Variants in PACSIN1 observed in about 807,000 individuals in gnomAD.
The protein encoded by PACSIN1 is protein kinase C and casein kinase substrate in neurons 1.
PACSIN1 carries 15 observed loss-of-function variants against 59.5 expected under a neutral mutation model. The ratio of observed to expected loss-of-function variants is 0.25; its 90% CI spans 0.17 to 0.39. The LOEUF (loss-of-function observed/expected upper bound fraction) is 0.39. PACSIN1 is among the 10% of genes least tolerant of loss of function. PACSIN1 has a pLI of 1.00. For synonymous variants in PACSIN1, 210 were observed against 220.6 expected (o/e 0.95, Z 0.42); for missense variants, 420 against 580.2 (o/e 0.72, Z 2.84).
chr6:34,491,820 C>G (rs549545719), intron 1 of PACSIN1, among the ~76,000 whole-genome samples: 1 of 152,190 alleles, frequency 6.6e-6, no homozygotes, highest in East Asian at 1.9e-4. Context: ...CCATGTTGAC[C>G]AGGCTGGTCT....
At chr6:34,483,393 A>C (rs1344095229) in intron 1 of PACSIN1, among the ~76,000 whole-genome samples, 2 of 152,126 alleles carry the variant, frequency 1.3e-5, no homozygotes, top group African/African-American at 4.8e-5. Context: ...TGTAGGACCA[A>C]CCTTGCCCAG....
At position 34,488,907 on chromosome 6, in the gene PACSIN1, G is replaced by A. The variant is rs1766830696; in HGVS notation, c.-64+22637G>A. 1.3e-5 allele frequency among the ~76,000 whole-genome samples: 2 copies of A among 152,096 alleles called. No individual in the cohort carries two copies. The highest frequency in any genetic ancestry group is 2.4e-5 in the African/African-American group (1 of 41,416). ...TAAAAATTGACTATATTGGCTGTGC[G>A]CAGTGGCTCACACCCGTAATCCTAA... On this transcript the variant is annotated intron_variant, in intron 1 of 9. Transcript: ENST00000244458. This position sits in a 1 kb window ranked among gnomAD's most constrained non-coding sequence, Gnocchi z 4.7.
rs1490738637 is a variant in PACSIN1 at position 34,487,396 on chromosome 6, G to A, written c.-64+21126G>A. On this transcript the variant is annotated intron_variant, in intron 1 of 9. Coordinates refer to ENST00000244458, the MANE Select transcript of PACSIN1 (RefSeq NM_020804.5). ...GGAATCACGTGGAATGTGCTGTTTGGTGCTCAGTGCTCTGTCTGTGAGAGT... is the reference window on the plus strand; with the variant it reads ...GGAATCACGTGGAATGTGCTGTTTGATGCTCAGTGCTCTGTCTGTGAGAGT... Among the ~76,000 whole-genome samples, 9 of 152,300 alleles carry A rather than the reference G, an allele frequency of 5.9e-5. No individual in the cohort carries two copies. In the South Asian group the frequency reaches 1.5e-3, roughly 25 times the overall value.
At chr6:34,526,031 G>C (rs901395969) in intron 1 of PACSIN1, among the ~76,000 whole-genome samples, 29 of 152,198 alleles carry the variant, frequency 1.9e-4, no homozygotes, top group African/African-American at 6.5e-4. Context: ...TCCAGGGAGG[G>C]GGAAGGAGGA....
rs143996132 is a variant in PACSIN1, at chr6:34,484,146, C to A, written c.-64+17876C>A. Among the ~76,000 whole-genome samples, 10 of 152,276 alleles carry A rather than the reference C, an allele frequency of 6.6e-5. No homozygotes were observed. The East Asian group carries it at 1.3e-3, about 21-fold the overall frequency. On this transcript the variant is annotated intron_variant, in intron 1 of 9. Transcript: ENST00000244458. Reference sequence around the variant, plus strand: ...CCTCATCAGGGCCTTTAACATGCTGCTGTGTCCTGTGAATGTCAAGACATT... The same window carrying A: ...CCTCATCAGGGCCTTTAACATGCTGATGTGTCCTGTGAATGTCAAGACATT...
At chr6:34,483,464 G>T (rs1003062326) in intron 1 of PACSIN1, among the ~76,000 whole-genome samples, 2 of 152,024 alleles carry the variant, frequency 1.3e-5, no homozygotes, top group African/African-American at 4.8e-5. Flanking sequence ...GCAGGGCCAC[G>T]TAGCCGGTGG....
chr6:34,470,985 G>A (rs867814777), intron 1 of PACSIN1, among the ~76,000 whole-genome samples: 15 of 151,492 alleles, frequency 9.9e-5, no homozygotes, highest in African/African-American at 2.7e-4. Flanking sequence ...TGCTCTTGTC[G>A]CCCAGGCTTG....
intron 1 of PACSIN1, among the ~76,000 whole-genome samples, chr6:34,489,110 G>A (rs1766834757): frequency 6.6e-6 from 1 of 151,904 alleles, no homozygotes; most frequent in African/African-American, 2.4e-5. Context: ...GAGCCAGGGA[G>A]GTGGAGGTTG....
At position 34,514,919 on chromosome 6, in the gene PACSIN1, G is replaced by A. The variant is rs910517596; in HGVS notation, c.-63-11324G>A. The A allele has an allele frequency of 1.3e-5, 2 of 152,630 alleles. No individual in the cohort carries two copies. Among genetic ancestry groups the A allele is most frequent in the South Asian group, 4.1e-4 (2 of 4,836 alleles). 9.5% of individuals were successfully genotyped at this position (152,630 alleles called of 1,614,324 possible). A position where few individuals can be genotyped will look rare whatever the true frequency, so the allele number is the denominator to read the frequency against. On this transcript the variant is annotated intron_variant, in intron 1 of 9. Coordinates refer to ENST00000244458, the MANE Select transcript of PACSIN1 (RefSeq NM_020804.5). The surrounding 1 kb of genome is among the most constrained non-coding windows in gnomAD (Gnocchi z 4.4). ...TGAGTGAGCGGTGGAGGGAACCCTA[G>A]AGGACAGAGCCCCCAGCCCGGCAGC...
chr6:34,508,906 TG>T (rs1362055412), intron 1 of PACSIN1, among the ~76,000 whole-genome samples: 6 of 152,234 alleles, frequency 3.9e-5, no homozygotes, highest in Non-Finnish European at 4.4e-5. Context: ...TTATGTATTT[TG>T]GATCCTAGTC....
Position 34,472,140 on chromosome 6 carries a change from A to C in PACSIN1, c.-64+5870A>C, listed in dbSNP as rs561831899. On this transcript the variant is annotated intron_variant, in intron 1 of 9. Transcript: ENST00000244458. Reference sequence around the variant, plus strand: ...TACAAAAATTACCTGGGTGTGGTGAAGGACGCCTGTAGTCCCAGCTACTCA... The same window carrying C: ...TACAAAAATTACCTGGGTGTGGTGACGGACGCCTGTAGTCCCAGCTACTCA... Among the ~76,000 whole-genome samples the C allele has an allele frequency of 2.8e-3, 427 of 152,042 alleles. 4 individuals carry two copies. Among genetic ancestry groups the C allele is most frequent in the African/African-American group, 9.7e-3 (404 of 41,462 alleles).
At chr6:34,490,688 C>T (rs1766863416) in intron 1 of PACSIN1, among the ~76,000 whole-genome samples, 1 of 152,160 alleles carries the variant, frequency 6.6e-6, no homozygotes, top group South Asian at 2.1e-4. Flanking sequence ...TCCCGTTGGC[C>T]CTGGTAAATG....
intron 1 of PACSIN1, among the ~76,000 whole-genome samples, chr6:34,478,875 TGAG>T (rs1766677694): frequency 1.3e-5 from 2 of 152,318 alleles, no homozygotes; most frequent in South Asian, 4.1e-4. Context: ...TTCTGGAGGC[TGAG>T]AAGTCCAAGC....
At position 34,515,247 on chromosome 6, in the gene PACSIN1, C is replaced by T. The variant is rs1411233428; in HGVS notation, c.-63-10996C>T. ...GCATCCTGAGAGGTCTTGTCAGAACCGTCAGAACCTTGATCCTCCTCATCA... is the reference window on the plus strand; with the variant it reads ...GCATCCTGAGAGGTCTTGTCAGAACTGTCAGAACCTTGATCCTCCTCATCA... On this transcript the variant is annotated intron_variant, in intron 1 of 9. Transcript: ENST00000244458. This position sits in a 1 kb window ranked among gnomAD's most constrained non-coding sequence, Gnocchi z 4.4. Among the ~76,000 whole-genome samples the T allele has an allele frequency of 2.0e-5, 3 of 152,182 alleles. No individual in the cohort carries two copies. The highest frequency in any genetic ancestry group is 6.5e-5 in the Admixed American group (1 of 15,288).
intron 1 of PACSIN1, among the ~76,000 whole-genome samples, chr6:34,472,737 C>T (rs1022478056): frequency 2.6e-5 from 4 of 151,948 alleles, no homozygotes; most frequent in African/African-American, 4.8e-5. Context: ...TGAAACCTGG[C>T]GGGATGGGAA....
chr6:34,524,891 C>A (rs72898495), intron 1 of PACSIN1, among the ~76,000 whole-genome samples: 3,952 of 152,282 alleles, frequency 0.026, 91 homozygotes, highest in Non-Finnish European at 0.04. Flanking sequence ...AACTCCTGCC[C>A]GCCCCCCAGC....
chr6:34,468,836 G>C (rs1766532174), intron 1 of PACSIN1, among the ~76,000 whole-genome samples: 1 of 152,258 alleles, frequency 6.6e-6, no homozygotes, highest in Non-Finnish European at 1.5e-5. Context: ...GGCAGAGTCT[G>C]TGTGCTGTTT....
intron 1 of PACSIN1, among the ~76,000 whole-genome samples, chr6:34,523,630 C>G (rs1767435374): frequency 6.6e-6 from 1 of 152,216 alleles, no homozygotes; most frequent in South Asian, 2.1e-4. Flanking sequence ...AGTTTGCCCA[C>G]AGGGAGTGCC....
chr6:34,519,991 G>A (rs1767359522), intron 1 of PACSIN1, among the ~76,000 whole-genome samples: 1 of 152,146 alleles, frequency 6.6e-6, no homozygotes, highest in Admixed American at 6.5e-5. Flanking sequence ...GAGGGGAGGG[G>A]TAGGCGAGGG....
Sources: gnomAD v4.1 joint callset for allele counts (sites outside exome capture counted in the v4.1 genomes callset) on GRCh38, gnomAD v4.1.1 for gene constraint, Gnocchi (gnomAD v3.1) non-coding constraint, MANE v1.5 for transcripts, NCBI Gene and HGNC (gene_info 2026-07-23, HGNC 2026-07-21) for gene names.